ZNF800: variants seen among roughly 807,000 people sequenced by gnomAD.
ZNF800 encodes the protein zinc finger protein 800.
A neutral mutation model predicts 59.5 loss-of-function variants in ZNF800; 13 were observed. The observed-to-expected ratio is 0.22, with a 90% CI of 0.14 to 0.35. The LOEUF (loss-of-function observed/expected upper bound fraction) is 0.35, where lower values mean the gene tolerates loss of function less well. Among genes scored for constraint, ZNF800 ranks in the 10% least tolerant of loss-of-function variants. The probability of loss-of-function intolerance (pLI) is 1.00; values close to 1 mark genes in which losing one functional copy is unlikely to be tolerated. For synonymous variants in ZNF800, 266 were observed against 265.7 expected, an observed-to-expected ratio of 1.00 and a Z score of -0.01; for missense variants, 621 against 783.7, an observed-to-expected ratio of 0.79 and a Z score of 2.48.
chr7:127,392,006 T>G (rs1468700894), intron 1 of ZNF800, 54 bp downstream of exon 1: 2 of 384,962 alleles, frequency 5.2e-6, no homozygotes, highest in East Asian at 7.4e-5. Flanking sequence ...CGCACGTGCG[T>G]TGGGGTCTCC....
exon 2 of ZNF800, chr7:127,347,480 ACAAAACT>A (rs1481042987): frequency 6.6e-6 from 1 of 152,198 alleles, no homozygotes; most frequent in Non-Finnish European, 1.5e-5. Flanking sequence ...ACTAATCATG[ACAAAACT>A]CACTAGGAAT....
intron 1 of ZNF800, among the ~76,000 whole-genome samples, chr7:127,352,257 CATA>C (rs1163851296): frequency 3.3e-5 from 5 of 152,252 alleles, no homozygotes; most frequent in Middle Eastern, 6.8e-3. Context: ...TATGCTTATT[CATA>C]ATAATAGTTA....
chr7:127,357,126 C>T (rs1215561944), intron 1 of ZNF800, among the ~76,000 whole-genome samples: 4 of 151,924 alleles, frequency 2.6e-5, no homozygotes, highest in Non-Finnish European at 4.4e-5. Flanking sequence ...CCTGGAGGTA[C>T]GTGGTGGTAA....
At chr7:127,364,095 T>G (rs1336803065) in intron 1 of ZNF800, 1 of 152,174 alleles carries the variant, frequency 6.6e-6, no homozygotes, top group Admixed American at 6.6e-5. Context: ...TGTCTGCTTC[T>G]TTTGAATGCA....
chr7:127,372,940 A>C (rs1800673866), intron 5 of ZNF800: 2 of 984,676 alleles, frequency 2.0e-6, no homozygotes, highest in Non-Finnish European at 2.4e-6. Context: ...AATATATTTA[A>C]CTTTCCTACA....
chr7:127,367,931 G>A (rs2285337), downstream of ZNF800, among the ~76,000 whole-genome samples: 24,217 of 151,964 alleles, frequency 0.16, 2,053 homozygotes, highest in Admixed American at 0.2. Flanking sequence ...ATGCACCTAT[G>A]GTATGCTAGG....
At chr7:127,372,538 C>A in intron 5 of ZNF800, 1 of 806,270 alleles carries the variant, frequency 1.2e-6, no homozygotes, top group Non-Finnish European at 1.5e-6. Context: ...TTTTACTTTT[C>A]TTACGACACA....
chr7:127,374,137 G>C lies in ZNF800; in HGVS notation c.1199C>G (p.Thr400Ser), dbSNP rs1205609593. ...AACTTTTATTTCTGAACTGTTGGCA[G>C]TATTATTAGGGCCTTTTTCTCTTTT... ...NSKREKGPNNTANSSEIKVKV... is the reference protein window; with the variant it reads ...NSKREKGPNNSANSSEIKVKV... The change falls in exon 5 of 6, where the codon ACT (threonine) becomes AGT (serine). Residue 400 changes from threonine (T) to serine (S), a missense_variant. By Grantham distance (58) the Thr-to-Ser change is moderately conservative (BLOSUM62 1). Around this residue, in one of 7 missense-constraint regions of ZNF800, gnomAD observed 185 missense variants for 177.6 expected, o/e 1.04. Transcript: ENST00000265827. 1 of 1,613,392 alleles carries C rather than the reference G, an allele frequency of 6.2e-7. No homozygotes were observed. Among genetic ancestry groups the C allele is most frequent in the Non-Finnish European group, 8.5e-7 (1 of 1,179,870 alleles).
rs934201737 is a variant in ZNF800, at chr7:127,377,446, T to C, written c.158-117A>G. ...GCAGTTACTCTTTGAAAACAAAATA[T>C]AGGCATTGCCAATTTCCACCACAGT... On this transcript the variant is annotated intron_variant, in intron 3 of 5. Transcript: ENST00000265827. The surrounding 1 kb of genome is among the most constrained non-coding windows in gnomAD (Gnocchi z 4.7). The C allele has an allele frequency of 6.9e-6, 5 of 721,924 alleles. No individual in the cohort carries two copies. The highest frequency in any genetic ancestry group is 3.6e-5 in the African/African-American group (2 of 55,738). 44.7% of individuals were successfully genotyped at this position (721,924 alleles called of 1,614,324 possible).
chr7:127,373,349 G>C lies in ZNF800; in HGVS notation c.1987C>G (p.Leu663Val). 1.9e-6 allele frequency: 3 copies of C among 1,583,180 alleles called. No individual in the cohort carries two copies. Among genetic ancestry groups the C allele is most frequent in the Non-Finnish European group, 2.6e-6 (3 of 1,165,608 alleles). The part of the protein sequence containing the change: ...TKGRSTRSKA[L>V]V The stretch of plus-strand genomic sequence containing the variant: ...CTGTTAACTGTTCCTCACCAGACAA[G>C]AGCCTTAGATCTTGTACTTCGGCCT... Residue 663 changes from leucine (L) to valine (V), a missense_variant, in exon 5 of 6, where the codon CTT (leucine) becomes GTT (valine). By Grantham distance (32) the Leu-to-Val change is conservative. Around this residue, in one of 7 missense-constraint regions of ZNF800, gnomAD observed 94 missense variants for 108.5 expected, o/e 0.87. Coordinates refer to ENST00000265827, the MANE Select transcript of ZNF800 (RefSeq NM_176814.5).
intron 3 of ZNF800, among the ~76,000 whole-genome samples, chr7:127,384,252 T>TA (rs1801068010): frequency 3.0e-5 from 4 of 134,828 alleles, no homozygotes; most frequent in African/African-American, 8.3e-5. Flanking sequence ...TTTTTTTTTT[T>TA]AGACAGAGTC....
At chr7:127,389,510 T>G (rs1474362669) in intron 2 of ZNF800, among the ~76,000 whole-genome samples, 3 of 152,176 alleles carry the variant, frequency 2.0e-5, no homozygotes, top group Non-Finnish European at 2.9e-5. Context: ...CTTCCCTCCA[T>G]CTGTGGACAT....
At chr7:127,366,126 G>A (rs1382228367), downstream of ZNF800, among the ~76,000 whole-genome samples, 1 of 152,056 alleles carries the variant, frequency 6.6e-6, no homozygotes, top group African/African-American at 2.4e-5. Flanking sequence ...AAGAAGCCAG[G>A]ACTTGAATTC....
At chr7:127,372,693 C>A in intron 5 of ZNF800, 1 of 985,152 alleles carries the variant, frequency 1.0e-6, no homozygotes, top group Non-Finnish European at 1.2e-6. Flanking sequence ...GTAACTAACA[C>A]ACACTCCCAA....
chr7:127,372,465 A>G (rs1174042579), intron 5 of ZNF800: 1 of 392,552 alleles, frequency 2.5e-6, no homozygotes, highest in Non-Finnish European at 3.4e-6. Context: ...GGGCAACAAG[A>G]GCGAAACTCC....
chr7:127,369,038 C>CA (rs57948552), downstream of ZNF800, among the ~76,000 whole-genome samples: 95,190 of 146,838 alleles, frequency 0.65, 30,853 homozygotes, highest in East Asian at 0.87. Context: ...AGACATAAAC[C>CA]AAAAAAAAAA....
At chr7:127,364,053 A>G (rs1230836612) in intron 1 of ZNF800, 2 of 152,136 alleles carry the variant, frequency 1.3e-5, no homozygotes, top group Non-Finnish European at 2.9e-5. Context: ...AATATATTAC[A>G]GAAGTTCATT....
chr7:127,359,273 G>A (rs1014425260), intron 1 of ZNF800, among the ~76,000 whole-genome samples: 2 of 151,984 alleles, frequency 1.3e-5, no homozygotes, highest in African/African-American at 4.8e-5. Context: ...CTACAGTCAC[G>A]TCAGTAAATC....
chr7:127,378,626 C>T (rs866380831), intron 3 of ZNF800, among the ~76,000 whole-genome samples: 6 of 151,932 alleles, frequency 3.9e-5, no homozygotes, highest in Middle Eastern at 3.4e-3. Context: ...AGCTCAGATT[C>T]AATATTTTGC....
Sources: allele counts gnomAD v4.1 joint callset (sites outside exome capture counted in the v4.1 genomes callset), GRCh38; gene constraint gnomAD v4.1.1; regional missense constraint gnomAD v4.1.1; non-coding constraint Gnocchi (gnomAD v3.1); transcripts MANE v1.5; gene names NCBI Gene and HGNC (gene_info 2026-07-23, HGNC 2026-07-21).